RBFOX1: variants seen among roughly 807,000 people sequenced by gnomAD.
The protein encoded by RBFOX1 is RNA binding fox-1 homolog 1.
RBFOX1 carries 8 observed loss-of-function variants against 57.7 expected under a neutral mutation model. The ratio of observed to expected loss-of-function variants is 0.14; its 90% CI spans 0.08 to 0.25. The LOEUF is 0.25. Ranked by LOEUF, RBFOX1 falls within the 10% of genes least tolerant of loss-of-function variation. RBFOX1 has a pLI of 1.00. For missense variants in RBFOX1, 611 were observed against 548.5 expected (o/e 1.11, Z -1.14); for synonymous variants, 326 against 222.4 (o/e 1.47, Z -4.15).
intron 3 of RBFOX1, among the ~76,000 whole-genome samples, chr16:5,824,684 C>G (rs1009801351): frequency 7.9e-5 from 12 of 152,220 alleles, no homozygotes; most frequent in Admixed American, 6.5e-5. Flanking sequence ...AGGCATCTTG[C>G]CTTTGCAGGG....
At chr16:5,777,158 A>T (rs9926811) in intron 3 of RBFOX1, among the ~76,000 whole-genome samples, 4 of 151,982 alleles carry the variant, frequency 2.6e-5, no homozygotes, top group African/African-American at 9.7e-5. Context: ...AAGTCCCAAA[A>T]TCAGCAAGGT....
At chr16:6,644,125 CAAT>C (rs1205344115) in intron 2 of RBFOX1, among the ~76,000 whole-genome samples, 1 of 152,146 alleles carries the variant, frequency 6.6e-6, no homozygotes, top group African/African-American at 2.4e-5. Flanking sequence ...GACTCCATCT[CAAT>C]AATAATAGTG....
intron 2 of RBFOX1, among the ~76,000 whole-genome samples, chr16:5,570,115 C>G (rs1335888408): frequency 6.6e-6 from 1 of 152,156 alleles, no homozygotes; most frequent in African/African-American, 2.4e-5. Flanking sequence ...GTCTTCCACA[C>G]CTGATAAGTA....
intron 4 of RBFOX1, among the ~76,000 whole-genome samples, chr16:7,346,040 A>G (rs1334829875): frequency 6.6e-6 from 1 of 151,992 alleles, no homozygotes; most frequent in African/African-American, 2.4e-5. Flanking sequence ...AAGTGTTCTC[A>G]TTGTTCAATT....
rs566053927 is a variant in RBFOX1 at position 7,684,457 on chromosome 16, T to G, written c.995+7619T>G. The stretch of plus-strand genomic sequence containing the variant: ...ACATTATGATGTGTGACTGTTCAAA[T>G]AGATTAACAGATTTCTGAAAGCTGA... On this transcript the variant is annotated intron_variant, in intron 14 of 15. Transcript: ENST00000550418. Among the ~76,000 whole-genome samples, 8 of 152,208 alleles carry G rather than the reference T, an allele frequency of 5.3e-5. No individual in the cohort carries two copies. In the South Asian group the frequency reaches 1.5e-3, roughly 28 times the overall value.
At chr16:7,602,999 G>A (rs1046050484) in intron 9 of RBFOX1, among the ~76,000 whole-genome samples, 5 of 152,190 alleles carry the variant, frequency 3.3e-5, no homozygotes, top group Non-Finnish European at 7.3e-5. Flanking sequence ...TTGGGTCAGT[G>A]AAGGAATTTT....
At chr16:7,091,325 T>C (rs1054016151) in intron 4 of RBFOX1, among the ~76,000 whole-genome samples, 38 of 152,134 alleles carry the variant, frequency 2.5e-4, no homozygotes, top group Non-Finnish European at 4.9e-4. Flanking sequence ...TAACTTTTCT[T>C]CACTTTATCG....
chr16:5,282,186 A>G (rs2063288718), intron 1 of RBFOX1, among the ~76,000 whole-genome samples: 1 of 152,178 alleles, frequency 6.6e-6, no homozygotes, highest in African/African-American at 2.4e-5. Flanking sequence ...GCCTGCTGCC[A>G]TCCCTGTAAG....
At chr16:7,333,060 C>A (rs201242998) in intron 4 of RBFOX1, 1 of 1,613,800 alleles carries the variant, frequency 6.2e-7, no homozygotes, top group African/African-American at 1.3e-5. Context: ...ATTGTACCGG[C>A]AGCTCCTTAC....
intron 3 of RBFOX1, among the ~76,000 whole-genome samples, chr16:6,870,360 C>G (rs1187721085): frequency 2.0e-5 from 3 of 152,102 alleles, no homozygotes; most frequent in South Asian, 2.1e-4. Flanking sequence ...CCAAGATGCT[C>G]CTATTGGATT....
At position 7,193,954 on chromosome 16, in the gene RBFOX1, CTTTT is replaced by C. The variant is rs34745623; in HGVS notation, c.27+141865_27+141868del. Among the ~76,000 whole-genome samples, 27 of 146,180 alleles carry C rather than the reference CTTTT, an allele frequency of 1.8e-4. 1 individual carries two copies. Among genetic ancestry groups the C allele is most frequent in the Admixed American group, 1.6e-3 (24 of 14,548 alleles). ...TATAGTAGCATCTATCTCTAGCTAT[CTTTT>C]TTTTTTTTAAGGATTGGCTAAAAAT... On this transcript the variant is annotated intron_variant, in intron 4 of 15. Transcript: ENST00000550418.
chr16:6,395,388 T>C (rs2092783829), intron 2 of RBFOX1, among the ~76,000 whole-genome samples: 1 of 152,232 alleles, frequency 6.6e-6, no homozygotes, highest in Admixed American at 6.5e-5. Context: ...TGCATTTTAA[T>C]AATATAGTTA....
At chr16:6,064,572 C>A (rs190258762) in intron 1 of RBFOX1, among the ~76,000 whole-genome samples, 1 of 151,910 alleles carries the variant, frequency 6.6e-6, no homozygotes, top group East Asian at 1.9e-4. Context: ...GACGGAGTGT[C>A]GCTCTGTCAC....
chr16:7,683,354 TAAAAGA>T (rs1473014096), intron 14 of RBFOX1, among the ~76,000 whole-genome samples: 1 of 151,720 alleles, frequency 6.6e-6, no homozygotes, highest in East Asian at 2.0e-4. Flanking sequence ...ACACACACGT[TAAAAGA>T]AAATGTGTTC....
At chr16:6,976,956 A>G (rs1439183903) in intron 3 of RBFOX1, among the ~76,000 whole-genome samples, 6 of 147,364 alleles carry the variant, frequency 4.1e-5, no homozygotes, top group Non-Finnish European at 6.0e-5. Flanking sequence ...TATATCATAT[A>G]TATTAAATAT....
chr16:7,633,712 C>G (rs1205456838), intron 11 of RBFOX1, among the ~76,000 whole-genome samples: 1 of 152,172 alleles, frequency 6.6e-6, no homozygotes, highest in African/African-American at 2.4e-5. Flanking sequence ...TCTGAGACCC[C>G]TCCCTCTCCA....
At chr16:7,147,625 C>T (rs573493281) in intron 4 of RBFOX1, among the ~76,000 whole-genome samples, 1 of 152,178 alleles carries the variant, frequency 6.6e-6, no homozygotes, top group African/African-American at 2.4e-5. Context: ...CAGCTGCATT[C>T]ACGTTGCTGC....
intron 5 of RBFOX1, among the ~76,000 whole-genome samples, 175 bp from the exon 6 acceptor site, chr16:7,579,602 G>T (rs2093597593): frequency 1.3e-5 from 2 of 152,126 alleles, no homozygotes; most frequent in African/African-American, 4.8e-5. Context: ...AGCACCCAGT[G>T]GACGCTCAGA....
chr16:6,801,684 C>G (rs373193032), intron 3 of RBFOX1, among the ~76,000 whole-genome samples: 2 of 151,982 alleles, frequency 1.3e-5, no homozygotes, highest in Non-Finnish European at 2.9e-5. Flanking sequence ...ACTGCTATTT[C>G]TCGTGGTCTA....
Sources: gnomAD v4.1 joint callset for allele counts (sites outside exome capture counted in the v4.1 genomes callset) on GRCh38, gnomAD v4.1.1 for gene constraint, MANE v1.5 for transcripts, NCBI Gene and HGNC (gene_info 2026-07-23, HGNC 2026-07-21) for gene names.